Variants in PACSIN2 observed in about 807,000 individuals in gnomAD.
The protein encoded by PACSIN2 is protein kinase C and casein kinase substrate in neurons 2.
A neutral mutation model predicts 63.8 loss-of-function variants in PACSIN2; 25 were observed. That is an observed-to-expected ratio of 0.39 (90% CI 0.29 to 0.55). PACSIN2 has a LOEUF of 0.55. Ranked by LOEUF, PACSIN2 falls within the 20% of genes least tolerant of loss-of-function variation. PACSIN2 has a pLI of 0.62. For missense variants in PACSIN2, 518 were observed against 646.9 expected, an observed-to-expected ratio of 0.80 and a Z score of 2.16; for synonymous variants, 255 against 256.2, an observed-to-expected ratio of 1.00 and a Z score of 0.05.
At chr22:42,872,382 G>A (rs778291987) in intron 10 of PACSIN2, among the ~76,000 whole-genome samples, 9 of 152,214 alleles carry the variant, frequency 5.9e-5, no homozygotes, top group Non-Finnish European at 8.8e-5. Flanking sequence ...CTCGGACCTC[G>A]TCAGGAGCAA....
intron 1 of PACSIN2, among the ~76,000 whole-genome samples, chr22:42,933,571 A>G (rs1429910595): frequency 6.6e-6 from 1 of 152,188 alleles, no homozygotes; most frequent in African/African-American, 2.4e-5. Flanking sequence ...ACTCCTCCCA[A>G]GCAAAAGCAG....
In PACSIN2 at chr22:42,882,191, T is replaced by G. The variant is rs906250858; in HGVS notation, c.899A>C (p.Gln300Pro). The G allele has an allele frequency of 6.2e-7, 1 of 1,613,950 alleles. No individual in the cohort carries two copies. The highest frequency in any genetic ancestry group is 1.3e-5 in the African/African-American group (1 of 74,940). The change falls in exon 7 of 11, where the codon CAG (glutamine) becomes CCG (proline). Residue 300 changes from glutamine (Q) to proline (P), a missense_variant. Transcript: ENST00000263246. ...HGPGMAMNWP[Q>P]FEEWSADLNR... The stretch of plus-strand genomic sequence containing the variant: ...GGCACACCCTCCTCTTACCTCAAAC[T>G]GCGGCCAGTTCATGGCCATGCCCGG...
chr22:42,969,904 TAA>T (rs796766361), intron 1 of PACSIN2, among the ~76,000 whole-genome samples: 3 of 118,002 alleles, frequency 2.5e-5, no homozygotes, highest in African/African-American at 6.7e-5. Flanking sequence ...TGCTGGCCCT[TAA>T]AAAAAAAAAG....
At chr22:42,887,463 G>A (rs920014514) in intron 5 of PACSIN2, among the ~76,000 whole-genome samples, 5 of 152,226 alleles carry the variant, frequency 3.3e-5, no homozygotes, top group African/African-American at 1.2e-4. Flanking sequence ...CTGGTGGGTA[G>A]TGAAACCAGC....
intron 1 of PACSIN2, among the ~76,000 whole-genome samples, chr22:42,938,538 G>C (rs1032165453): frequency 6.6e-6 from 1 of 152,202 alleles, no homozygotes; most frequent in African/African-American, 2.4e-5. Context: ...AGCTCACCAG[G>C]TGTGTGCTGT....
In PACSIN2 at chr22:42,971,615, A is replaced by G. The variant is rs1921277993; in HGVS notation, c.-78+43406T>C. Among the ~76,000 whole-genome samples, 4 of 144,328 alleles carry G rather than the reference A, an allele frequency of 2.8e-5. 1 individual carries two copies. The East Asian group carries it at 6.4e-4, about 23-fold the overall frequency. The allele number at this position is 144,328 out of a possible 152,430, so 94.7% of individuals were successfully genotyped here. A position where few individuals can be genotyped will look rare whatever the true frequency, so the allele number is the denominator to read the frequency against. ...GGGAAGTGAGGAGTGTCTCTGCCCA[A>G]CCGCCACCATGTCTGGGAAGTGAGG... is the stretch of plus-strand genomic sequence containing the variant. On this transcript the variant is annotated intron_variant, in intron 1 of 10. Transcript: ENST00000263246.
At chr22:42,993,419 T>C (rs1923184997) in intron 1 of PACSIN2, among the ~76,000 whole-genome samples, 1 of 152,222 alleles carries the variant, frequency 6.6e-6, no homozygotes, top group Admixed American at 6.5e-5. Flanking sequence ...CTGTTCATTA[T>C]AACTCAATAA....
At chr22:42,876,816 C>G in intron 9 of PACSIN2, 72 bp downstream of exon 9, 1 of 1,578,784 alleles carries the variant, frequency 6.3e-7, no homozygotes, top group Admixed American at 1.7e-5. Flanking sequence ...AGGGGTGAGA[C>G]CCCTGGACAG....
At chr22:42,913,207 C>T (rs905215032) in intron 1 of PACSIN2, among the ~76,000 whole-genome samples, 1 of 152,190 alleles carries the variant, frequency 6.6e-6, no homozygotes, top group Non-Finnish European at 1.5e-5. Context: ...AGGCCGGGCA[C>T]AGTGGCTCAT....
intron 1 of PACSIN2, among the ~76,000 whole-genome samples, chr22:43,003,997 G>C (rs1055864567): frequency 3.9e-5 from 6 of 152,192 alleles, no homozygotes; most frequent in African/African-American, 1.4e-4. Flanking sequence ...TACAGACATA[G>C]ATGCCGTCTT....
At chr22:42,977,181 A>G (rs990292197) in intron 1 of PACSIN2, among the ~76,000 whole-genome samples, 1 of 144,604 alleles carries the variant, frequency 6.9e-6, no homozygotes, top group African/African-American at 2.5e-5. Flanking sequence ...ACAAAGAAAT[A>G]GAAATAGAAA....
intron 1 of PACSIN2, among the ~76,000 whole-genome samples, chr22:42,997,771 G>C (rs1923510386): frequency 6.6e-6 from 1 of 151,700 alleles, no homozygotes; most frequent in Admixed American, 6.6e-5. Context: ...ACTTCACTCG[G>C]GAGGCAGAGT....
At chr22:42,965,940 AATAATC>A (rs10559824) in intron 1 of PACSIN2, among the ~76,000 whole-genome samples, 85,694 of 150,670 alleles carry the variant, frequency 0.57, 24,607 homozygotes, top group East Asian at 0.77. Flanking sequence ...TAAATAAATA[AATAATC>A]ATAAATAAAT....
chr22:42,968,627 A>G (rs1569335673), intron 1 of PACSIN2, among the ~76,000 whole-genome samples: 1 of 152,190 alleles, frequency 6.6e-6, no homozygotes, highest in Non-Finnish European at 1.5e-5. Context: ...TGTTTCCAGA[A>G]GAGACTAGCA....
chr22:42,873,924 G>A (rs1392449499), intron 10 of PACSIN2, among the ~76,000 whole-genome samples: 1 of 152,018 alleles, frequency 6.6e-6, no homozygotes, highest in Non-Finnish European at 1.5e-5. Flanking sequence ...CAGTAGCTGG[G>A]ATTACAGGTG....
rs1489331765 is a variant in PACSIN2, at chr22:42,869,904, C to G, written c.*1453G>C. ...AAATGAGGATTTCTGCTGGTAAGTT[C>G]TCAGGACAGACACAGACACAGGTCC... is the stretch of plus-strand genomic sequence containing the variant. On this transcript the variant is annotated 3_prime_UTR_variant, in exon 11 of 11. Coordinates refer to ENST00000263246, the MANE Select transcript of PACSIN2 (RefSeq NM_001184970.3). The G allele has an allele frequency of 6.6e-6, 1 of 152,442 alleles. No homozygotes were observed. The highest frequency in any genetic ancestry group is 1.5e-5 in the Non-Finnish European group (1 of 68,044). 9.4% of individuals were successfully genotyped at this position (152,442 alleles called of 1,614,324 possible). A position where few individuals can be genotyped will look rare whatever the true frequency, so the allele number is the denominator to read the frequency against.
At chr22:42,876,786 C>T (rs5751397) in intron 9 of PACSIN2, 102 bp downstream of exon 9, 672,703 of 1,474,678 alleles carry the variant, frequency 0.46, 158,519 homozygotes, top group Middle Eastern at 0.5. Context: ...CTGCAGAGCT[C>T]CGTGCATTGC....
At chr22:42,926,984 C>G (rs1469122155) in intron 1 of PACSIN2, among the ~76,000 whole-genome samples, 3 of 152,202 alleles carry the variant, frequency 2.0e-5, no homozygotes, top group Non-Finnish European at 2.9e-5. Context: ...GAACCTCTGG[C>G]TCTCCTCTTT....
intron 2 of PACSIN2, among the ~76,000 whole-genome samples, chr22:42,907,947 G>A (rs567607728): frequency 2.1e-4 from 32 of 152,356 alleles, no homozygotes; most frequent in Non-Finnish European, 3.1e-4. Flanking sequence ...AAACCAGCCC[G>A]ACTCAGAGCA....
Sources: allele counts gnomAD v4.1 joint callset (sites outside exome capture counted in the v4.1 genomes callset), GRCh38; gene constraint gnomAD v4.1.1; transcripts MANE v1.5; gene names NCBI Gene and HGNC (gene_info 2026-07-23, HGNC 2026-07-21).